TRHDE: variants seen among roughly 807,000 people sequenced by gnomAD.
The protein encoded by TRHDE is thyrotropin releasing hormone degrading enzyme, also known as thyrotropin-releasing hormone-degrading ectoenzyme.
TRHDE carries 72 observed loss-of-function variants against 125.7 expected under a neutral mutation model. The ratio of observed to expected loss-of-function variants is 0.57; its 90% CI spans 0.47 to 0.70. The LOEUF (loss-of-function observed/expected upper bound fraction) is 0.70, where lower values mean the gene tolerates loss of function less well. TRHDE is among the 30% of genes least tolerant of loss of function. The probability of loss-of-function intolerance (pLI) is 0.00; values close to 1 mark genes in which losing one functional copy is unlikely to be tolerated. For synonymous variants in TRHDE, 509 were observed against 509.1 expected (o/e 1.00, Z 0.00); for missense variants, 1,110 against 1,327.1 (o/e 0.84, Z 2.54).
chr12:72,259,411 C>T (rs1056919706), intron 2 of TRHDE, among the ~76,000 whole-genome samples: 5 of 152,064 alleles, frequency 3.3e-5, no homozygotes, highest in African/African-American at 7.2e-5. Flanking sequence ...GTTCAAAGCT[C>T]CTTATTCTTC....
At position 72,469,929 on chromosome 12, in the gene TRHDE, C is replaced by A; in HGVS notation, c.1470+17C>A. Reference sequence around the variant, plus strand: ...TGTCACCAGGTATGAGAAAAAGAATCAGGTGTAAGTATAATGTGAAAGCTA... The same window carrying A: ...TGTCACCAGGTATGAGAAAAAGAATAAGGTGTAAGTATAATGTGAAAGCTA... On this transcript the variant is annotated intron_variant, in intron 4 of 18. Transcript: ENST00000261180. 6.2e-7 allele frequency: 1 copy of A among 1,612,550 alleles called. No homozygotes were observed. Among genetic ancestry groups the A allele is most frequent in the Non-Finnish European group, 8.5e-7 (1 of 1,179,238 alleles).
At chr12:72,326,406 C>G (rs889612841) in intron 2 of TRHDE, among the ~76,000 whole-genome samples, 1 of 151,812 alleles carries the variant, frequency 6.6e-6, no homozygotes, top group Admixed American at 6.6e-5. Flanking sequence ...TTGAGGGGCG[C>G]GGGGCTAGGG....
At chr12:72,495,890 A>G (rs559501763) in intron 5 of TRHDE, among the ~76,000 whole-genome samples, 3 of 152,276 alleles carry the variant, frequency 2.0e-5, no homozygotes, top group Non-Finnish European at 2.9e-5. Flanking sequence ...TATATTTTTG[A>G]AAATAGTTGA....
intron 2 of TRHDE, among the ~76,000 whole-genome samples, chr12:72,148,179 T>A (rs968756916): frequency 2.6e-5 from 4 of 152,198 alleles, no homozygotes; most frequent in African/African-American, 7.2e-5. Flanking sequence ...ATCCAGAACT[T>A]CTAATTCCTA....
chr12:72,286,845 G>A lies in TRHDE; in HGVS notation c.1079G>A (p.Gly360Glu). ...GAAACTTCCGTGTTTGAGGAAGATGGATGGGTTACGGATCACTTTTCACAG... is the reference window on the plus strand; with the variant it reads ...GAAACTTCCGTGTTTGAGGAAGATGAATGGGTTACGGATCACTTTTCACAG... Reference protein sequence around the residue: ...PVETSVFEEDGWVTDHFSQTP... With the variant: ...PVETSVFEEDEWVTDHFSQTP... Residue 360 changes from glycine (G) to glutamate (E), a missense_variant, in exon 2 of 19, where the codon GGA (glycine) becomes GAA (glutamate). Coordinates refer to ENST00000261180, the MANE Select transcript of TRHDE (RefSeq NM_013381.3). 1 of 1,613,812 alleles carries A rather than the reference G, an allele frequency of 6.2e-7. No individual in the cohort carries two copies. Among genetic ancestry groups the A allele is most frequent in the Non-Finnish European group, 8.5e-7 (1 of 1,179,946 alleles).
chr12:72,188,204 A>C (rs1592475922), intron 2 of TRHDE, among the ~76,000 whole-genome samples: 1 of 152,230 alleles, frequency 6.6e-6, no homozygotes, highest in Admixed American at 6.5e-5. Context: ...TAAAGTTATT[A>C]TGATTTGGGG....
intron 2 of TRHDE, among the ~76,000 whole-genome samples, chr12:72,298,153 G>A (rs1011864809): frequency 1.3e-5 from 2 of 152,168 alleles, no homozygotes; most frequent in African/African-American, 4.8e-5. Flanking sequence ...GAAAGAGCTT[G>A]AAGTGAAAAA....
chr12:72,562,830 T>C, intron 8 of TRHDE, 23 bp from the exon 9 acceptor site: 1 of 1,460,744 alleles, frequency 6.8e-7, no homozygotes. Context: ...ATAAAACTAA[T>C]TTGTACATTT....
intron 2 of TRHDE, among the ~76,000 whole-genome samples, chr12:72,122,386 T>G (rs916806815): frequency 2.6e-5 from 4 of 152,196 alleles, no homozygotes; most frequent in African/African-American, 9.7e-5. Context: ...CATTAAAATT[T>G]TTCTCCACAT....
intron 12 of TRHDE, among the ~76,000 whole-genome samples, chr12:72,600,035 T>A (rs1592564428): frequency 6.6e-6 from 1 of 152,136 alleles, no homozygotes; most frequent in East Asian, 1.9e-4. Flanking sequence ...TCAACTTTGT[T>A]AAAGATCAGA....
chr12:72,388,878 G>A (rs1482201254), intron 3 of TRHDE, among the ~76,000 whole-genome samples: 2 of 151,078 alleles, frequency 1.3e-5, no homozygotes, highest in African/African-American at 4.9e-5. Flanking sequence ...AATGAAATAA[G>A]TATCTAGTTG....
intron 6 of TRHDE, among the ~76,000 whole-genome samples, chr12:72,516,855 G>T (rs1279472128): frequency 2.0e-5 from 3 of 152,040 alleles, no homozygotes; most frequent in Non-Finnish European, 4.4e-5. Flanking sequence ...TTAGCATGAA[G>T]CGTTGTTGAA....
chr12:72,614,312 G>GTATATATATATGTATA (rs56320644), intron 12 of TRHDE, among the ~76,000 whole-genome samples: 22 of 107,692 alleles, frequency 2.0e-4, no homozygotes, highest in Non-Finnish European at 2.9e-4. Flanking sequence ...ATATACATAT[G>GTATATATATATGTATA]TATATATATA....
chr12:72,118,258 A>T (rs1389062850), intron 2 of TRHDE, among the ~76,000 whole-genome samples: 1 of 152,044 alleles, frequency 6.6e-6, no homozygotes, highest in African/African-American at 2.4e-5. Flanking sequence ...TTTTTAAATC[A>T]TGAAGGGATG....
At chr12:72,392,934 C>T (rs544966494) in intron 3 of TRHDE, among the ~76,000 whole-genome samples, 1 of 152,130 alleles carries the variant, frequency 6.6e-6, no homozygotes, top group South Asian at 2.1e-4. Flanking sequence ...ATGGAATTTA[C>T]ATTTGTATTA....
chr12:72,446,150 CTTTT>C (rs34777250), intron 3 of TRHDE, among the ~76,000 whole-genome samples: 2 of 133,292 alleles, frequency 1.5e-5, no homozygotes, highest in Non-Finnish European at 3.2e-5. Flanking sequence ...TTGTGCATTT[CTTTT>C]TTTTTTTTTT....
intron 12 of TRHDE, among the ~76,000 whole-genome samples, chr12:72,618,176 A>G (rs1872898173): frequency 6.6e-6 from 1 of 152,162 alleles, no homozygotes; most frequent in African/African-American, 2.4e-5. Context: ...TGGCCTCTTA[A>G]ACTATAGACA....
chr12:72,228,143 G>C (rs1878173226), intron 2 of TRHDE, among the ~76,000 whole-genome samples: 1 of 152,154 alleles, frequency 6.6e-6, no homozygotes, highest in South Asian at 2.1e-4. Context: ...TCTGTGTGGG[G>C]GCTCCAACCC....
chr12:72,464,820 A>T (rs1008586420), intron 3 of TRHDE, among the ~76,000 whole-genome samples: 54 of 152,202 alleles, frequency 3.5e-4, no homozygotes, highest in African/African-American at 1.3e-3. Context: ...TGTTAAGAAT[A>T]GAAGGCAAAT....
Sources: gnomAD v4.1 joint callset for allele counts (sites outside exome capture counted in the v4.1 genomes callset) on GRCh38, gnomAD v4.1.1 for gene constraint, MANE v1.5 for transcripts, NCBI Gene and HGNC (gene_info 2026-07-23, HGNC 2026-07-21) for gene names.